PADI1: variants seen among roughly 807,000 people sequenced by gnomAD.
The protein encoded by PADI1 is peptidyl arginine deiminase 1, also known as protein-arginine deiminase type-1.
PADI1 carries 65 observed loss-of-function variants against 74.8 expected under a neutral mutation model. The observed-to-expected ratio is 0.87, with a 90% CI of 0.71 to 1.07. PADI1 has a LOEUF of 1.07. Ranked by LOEUF, PADI1 falls within the 50% of genes least tolerant of loss-of-function variation. The pLI is 0.00. For synonymous variants in PADI1, 371 were observed against 336.2 expected, an observed-to-expected ratio of 1.10 and a Z score of -1.13; for missense variants, 943 against 854.0, an observed-to-expected ratio of 1.10 and a Z score of -1.30.
chr1:17,212,398 A>T (rs2071857171), intron 1 of PADI1, among the ~76,000 whole-genome samples: 1 of 131,542 alleles, frequency 7.6e-6, no homozygotes, highest in East Asian at 2.3e-4. Context: ...CATCCAGCAC[A>T]GTGCCCCAGA....
At chr1:17,217,982 T>C (rs1363957222) in intron 1 of PADI1, among the ~76,000 whole-genome samples, 1 of 152,264 alleles carries the variant, frequency 6.6e-6, no homozygotes, top group Non-Finnish European at 1.5e-5. Context: ...GCTCATATCC[T>C]AGATGAATGA....
At chr1:17,216,780 G>C (rs2071988993) in intron 1 of PADI1, among the ~76,000 whole-genome samples, 1 of 152,098 alleles carries the variant, frequency 6.6e-6, no homozygotes. Context: ...TGAGGCAGGA[G>C]AATCGCTTGA....
At chr1:17,220,153 GC>G (rs1340308934) in intron 1 of PADI1, among the ~76,000 whole-genome samples, 1 of 43,172 alleles carries the variant, frequency 2.3e-5, no homozygotes, top group African/African-American at 1.1e-4. Flanking sequence ...GGTCTTGCCA[GC>G]AGCCTGCAGG....
At chr1:17,239,190 C>T (rs1406776673) in intron 13 of PADI1, among the ~76,000 whole-genome samples, 1 of 152,182 alleles carries the variant, frequency 6.6e-6, no homozygotes, top group African/African-American at 2.4e-5. Flanking sequence ...TTATCACAGC[C>T]TCAGTGTTCT....
At chr1:17,240,107 A>G (rs772690499) in intron 14 of PADI1, 6 of 345,354 alleles carry the variant, frequency 1.7e-5, no homozygotes, top group African/African-American at 4.1e-5. Context: ...GGGAAATAGG[A>G]CCTTGAGGGG....
chr1:17,221,471 G>GAA (rs199509580), intron 1 of PADI1, among the ~76,000 whole-genome samples: 2 of 97,462 alleles, frequency 2.1e-5, no homozygotes, highest in Non-Finnish European at 4.4e-5. Flanking sequence ...TCTGTCTCAA[G>GAA]AAAAAAAAAA....
chr1:17,236,941 G>A (rs867383327), intron 11 of PADI1, among the ~76,000 whole-genome samples: 1 of 152,222 alleles, frequency 6.6e-6, no homozygotes, highest in South Asian at 2.1e-4. Context: ...CAGCAGATCA[G>A]CAGGGAGGCT....
At chr1:17,224,507 C>T in intron 4 of PADI1, 79 bp downstream of exon 4, 1 of 1,075,528 alleles carries the variant, frequency 9.3e-7, no homozygotes, top group Non-Finnish European at 1.4e-6. Context: ...TGTGCCCTCC[C>T]TCCAGAAGAA....
rs770038921 is a variant in PADI1, at chr1:17,230,661, C to A, written c.1143C>A (p.Phe381Leu). Residue 381 changes from phenylalanine (F) to leucine (L), a missense_variant, in exon 10 of 16, where the codon TTC (phenylalanine) becomes TTA (leucine). Phe to Leu is a conservative substitution (Grantham distance 22, BLOSUM62 0). Transcript: ENST00000375471. ...DSPRNRGLKD[F>L]PYKRILGPDF... ...CCAGGAACAGGGGCCTGAAAGATTT[C>A]CCCTATAAGAGGATCCTGGTACGTA... 6.2e-7 allele frequency: 1 copy of A among 1,606,868 alleles called. No individual in the cohort carries two copies. Among genetic ancestry groups the A allele is most frequent in the Non-Finnish European group, 8.5e-7 (1 of 1,174,382 alleles).
At chr1:17,207,729 G>T (rs1386704636) in intron 1 of PADI1, among the ~76,000 whole-genome samples, 1 of 152,248 alleles carries the variant, frequency 6.6e-6, no homozygotes, top group African/African-American at 2.4e-5. Flanking sequence ...TAGCTGTTGT[G>T]CTCTGGTTGG....
rs1226508882 is a variant in PADI1, at chr1:17,228,997, C to G, written c.875C>G (p.Ala292Gly). Residue 292 changes from alanine to glycine, a missense_variant, in exon 8 of 16, where the codon GCC (alanine) becomes GGC (glycine). Transcript: ENST00000375471. Reference sequence around the variant, plus strand: ...ACAGACACTGTGGGCTTCCGCATGGCCCCCTGGATCATGACGCCCAACACT... The same window carrying G: ...ACAGACACTGTGGGCTTCCGCATGGGCCCCTGGATCATGACGCCCAACACT... Reference protein sequence around the residue: ...LFTDTVGFRMAPWIMTPNTQP... With the variant: ...LFTDTVGFRMGPWIMTPNTQP... The G allele has an allele frequency of 8.2e-6, 13 of 1,594,716 alleles. No individual in the cohort carries two copies. The highest frequency in any genetic ancestry group is 1.1e-5 in the Non-Finnish European group (13 of 1,169,546).
intron 1 of PADI1, among the ~76,000 whole-genome samples, chr1:17,217,441 G>A (rs890343574): frequency 6.6e-6 from 1 of 152,202 alleles, no homozygotes; most frequent in African/African-American, 2.4e-5. Context: ...GGGGAAGGCT[G>A]GGAGAAAGTT....
chr1:17,240,542 C>G, intron 14 of PADI1, 93 bp from the exon 15 acceptor site: 1 of 1,434,968 alleles, frequency 7.0e-7, no homozygotes, highest in South Asian at 1.3e-5. Flanking sequence ...CTAGCGGGCC[C>G]AGAGGGCTCC....
intron 1 of PADI1, among the ~76,000 whole-genome samples, chr1:17,219,135 G>T (rs1452021246): frequency 6.6e-6 from 1 of 152,206 alleles, no homozygotes; most frequent in Non-Finnish European, 1.5e-5. Flanking sequence ...TGCAGAGGGG[G>T]TGGAGAGTTG....
intron 10 of PADI1, among the ~76,000 whole-genome samples, chr1:17,231,505 CAG>C (rs1410123808): frequency 6.6e-6 from 1 of 152,186 alleles, no homozygotes; most frequent in Non-Finnish European, 1.5e-5. Flanking sequence ...TGTGGGCACA[CAG>C]AGCAGGGACA....
rs771702092 is a variant in PADI1, at chr1:17,238,726, C to T, written c.1552+17C>T. On this transcript the variant is annotated intron_variant, in intron 13 of 15. Coordinates refer to ENST00000375471, the MANE Select transcript of PADI1 (RefSeq NM_013358.3). Reference sequence around the variant, plus strand: ...AGTTTGATGGTGAGTGCCAATGACCCGGTCACCCCTGGGGGACCCTGCCCT... The same window carrying T: ...AGTTTGATGGTGAGTGCCAATGACCTGGTCACCCCTGGGGGACCCTGCCCT... 55 of 1,392,754 alleles carry T rather than the reference C, an allele frequency of 3.9e-5. No individual in the cohort carries two copies. The highest frequency in any genetic ancestry group is 4.6e-5 in the Admixed American group (2 of 43,684). 86.3% of individuals were successfully genotyped at this position (1,392,754 alleles called of 1,614,324 possible).
At chr1:17,238,507 GAGA>G in intron 12 of PADI1, 106 bp from the exon 13 acceptor site, 1 of 466,896 alleles carries the variant, frequency 2.1e-6, no homozygotes, top group Non-Finnish European at 3.8e-6. Context: ...GACCGAGTGG[GAGA>G]GGGGAGTCCC....
intron 1 of PADI1, among the ~76,000 whole-genome samples, chr1:17,211,940 A>G (rs999021986): frequency 1.4e-4 from 21 of 152,250 alleles, no homozygotes; most frequent in African/African-American, 4.6e-4. Flanking sequence ...CCACAAGGGC[A>G]AAGCCAAGGA....
intron 1 of PADI1, among the ~76,000 whole-genome samples, chr1:17,215,423 T>C (rs1440930169): frequency 7.1e-6 from 1 of 140,524 alleles, no homozygotes; most frequent in Non-Finnish European, 1.6e-5. Flanking sequence ...CATCATTTTC[T>C]ACCAAGACTC....
Sources: gnomAD v4.1 joint callset for allele counts (sites outside exome capture counted in the v4.1 genomes callset) on GRCh38, gnomAD v4.1.1 for gene constraint, MANE v1.5 for transcripts, NCBI Gene and HGNC (gene_info 2026-07-23, HGNC 2026-07-21) for gene names.